RCAN2: variants seen among roughly 807,000 people sequenced by gnomAD.
RCAN2 encodes the protein calcipressin-2.
A neutral mutation model predicts 23.6 loss-of-function variants in RCAN2; 9 were observed. The observed-to-expected ratio is 0.38, with a 90% CI of 0.23 to 0.67. The LOEUF (loss-of-function observed/expected upper bound fraction) is 0.67, where lower values mean the gene tolerates loss of function less well. RCAN2 is among the 30% of genes least tolerant of loss of function. The pLI is 0.51. For synonymous variants in RCAN2, 109 were observed against 115.7 expected, an observed-to-expected ratio of 0.94 and a Z score of 0.37; for missense variants, 273 against 302.3, an observed-to-expected ratio of 0.90 and a Z score of 0.72.
At chr6:46,226,833 G>A (rs1400313383) in intron 4 of RCAN2, among the ~76,000 whole-genome samples, 8 of 152,200 alleles carry the variant, frequency 5.3e-5, no homozygotes, top group African/African-American at 1.2e-4. Context: ...TTGAATAGGA[G>A]TGGTGAGAGA....
chr6:46,290,974 A>G (rs1289467568), intron 2 of RCAN2, among the ~76,000 whole-genome samples: 2 of 152,206 alleles, frequency 1.3e-5, no homozygotes, highest in African/African-American at 2.4e-5. Context: ...TCATGGGTCA[A>G]TACAGCCAGG....
At chr6:46,473,685 A>T (rs1042027930) in intron 1 of RCAN2, among the ~76,000 whole-genome samples, 2 of 152,152 alleles carry the variant, frequency 1.3e-5, no homozygotes, top group African/African-American at 4.8e-5. Context: ...TTTTAACCTG[A>T]TAATTATTAG....
intron 1 of RCAN2, among the ~76,000 whole-genome samples, chr6:46,471,319 C>G (rs545133615): frequency 4.1e-4 from 62 of 152,268 alleles, no homozygotes; most frequent in African/African-American, 1.4e-3. Context: ...AAGTAGGAAC[C>G]TACTAAGAAA....
At position 46,276,535 on chromosome 6, in the gene RCAN2, C is replaced by T. The variant is rs115320961; in HGVS notation, c.226-27639G>A. 8.1e-3 allele frequency among the ~76,000 whole-genome samples: 1,231 copies of T among 152,298 alleles called. 17 individuals are homozygous for T. Among genetic ancestry groups the T allele is most frequent in the Admixed American group, 0.025 (379 of 15,298 alleles). On this transcript the variant is annotated intron_variant, in intron 2 of 4. Coordinates refer to ENST00000371374, the MANE Select transcript of RCAN2 (RefSeq NM_001251974.2). ...TCTGCACTGGCCAAAACATAAAGAACGTGTTTAAACTCTAATCTAGTCACC... is the reference window on the plus strand; with the variant it reads ...TCTGCACTGGCCAAAACATAAAGAATGTGTTTAAACTCTAATCTAGTCACC...
intron 2 of RCAN2, among the ~76,000 whole-genome samples, chr6:46,262,588 T>TTTAAATAAA (rs1554128385): frequency 6.8e-6 from 1 of 146,480 alleles, no homozygotes; most frequent in Non-Finnish European, 1.5e-5. Context: ...AGCCTCTGTC[T>TTTAAATAAA]TAAATAAATA....
chr6:46,250,254 C>A (rs1434490058), intron 2 of RCAN2, among the ~76,000 whole-genome samples: 1 of 152,116 alleles, frequency 6.6e-6, no homozygotes, highest in Non-Finnish European at 1.5e-5. Context: ...AATATATAGG[C>A]ATTATGTTAA....
chr6:46,256,135 C>T (rs756385813), intron 2 of RCAN2, among the ~76,000 whole-genome samples: 7 of 151,870 alleles, frequency 4.6e-5, no homozygotes, highest in South Asian at 2.1e-4. Flanking sequence ...TTTGGGAGGC[C>T]GAGGCAGGAG....
chr6:46,435,283 G>A (rs187606192), intron 2 of RCAN2, among the ~76,000 whole-genome samples: 8 of 152,258 alleles, frequency 5.3e-5, no homozygotes, highest in Admixed American at 4.6e-4. Context: ...TCATTCATAT[G>A]AATTCAAATT....
At chr6:46,367,678 A>G (rs1765213300) in intron 2 of RCAN2, among the ~76,000 whole-genome samples, 1 of 152,074 alleles carries the variant, frequency 6.6e-6, no homozygotes, top group South Asian at 2.1e-4. Context: ...AAGCATAGGG[A>G]TTTTTCTTTC....
intron 2 of RCAN2, among the ~76,000 whole-genome samples, chr6:46,400,336 G>A (rs561916063): frequency 1.1e-4 from 17 of 152,064 alleles, no homozygotes; most frequent in Non-Finnish European, 2.2e-4. Context: ...CATTTATCTT[G>A]GACCAGAGAT....
chr6:46,463,462 A>T (rs922363283), intron 1 of RCAN2, among the ~76,000 whole-genome samples: 4 of 152,198 alleles, frequency 2.6e-5, no homozygotes, highest in African/African-American at 9.7e-5. Context: ...CCAATAAGAA[A>T]GTTTCATTGA....
At chr6:46,268,586 G>T (rs1334757856) in intron 2 of RCAN2, among the ~76,000 whole-genome samples, 1 of 152,138 alleles carries the variant, frequency 6.6e-6, no homozygotes, top group Non-Finnish European at 1.5e-5. Context: ...ATAGTGACAG[G>T]TGATAAACAT....
chr6:46,310,126 A>C (rs1763207791), intron 2 of RCAN2, among the ~76,000 whole-genome samples: 1 of 152,062 alleles, frequency 6.6e-6, no homozygotes, highest in Non-Finnish European at 1.5e-5. Context: ...GTTCTTAAAC[A>C]CTGTTTCTGA....
At chr6:46,311,112 A>G (rs1231943292) in intron 2 of RCAN2, among the ~76,000 whole-genome samples, 2 of 152,232 alleles carry the variant, frequency 1.3e-5, no homozygotes. Flanking sequence ...AAACTTCCCA[A>G]GACTGCAAAA....
At chr6:46,294,428 T>A (rs1249965319) in intron 2 of RCAN2, among the ~76,000 whole-genome samples, 1 of 152,138 alleles carries the variant, frequency 6.6e-6, no homozygotes, top group Admixed American at 6.6e-5. Flanking sequence ...TCAAAAATAC[T>A]CATATTATTT....
intron 1 of RCAN2, among the ~76,000 whole-genome samples, 174 bp downstream of exon 1, chr6:46,490,999 C>T (rs1236119257): frequency 2.3e-5 from 3 of 129,760 alleles, no homozygotes; most frequent in Non-Finnish European, 5.5e-5. Flanking sequence ...ACCCCCGCCA[C>T]TGCCCCCACC....
intron 2 of RCAN2, among the ~76,000 whole-genome samples, chr6:46,392,315 T>C (rs942143471): frequency 2.0e-5 from 3 of 152,172 alleles, no homozygotes; most frequent in African/African-American, 4.8e-5. Context: ...AAAGAAATCT[T>C]ATTGAAAACA....
At chr6:46,300,276 A>G (rs938641312) in intron 2 of RCAN2, among the ~76,000 whole-genome samples, 3 of 151,992 alleles carry the variant, frequency 2.0e-5, no homozygotes, top group Admixed American at 6.6e-5. Flanking sequence ...TACCAAATTG[A>G]TTAAAAAAGC....
chr6:46,303,262 CT>C (rs1305563591), intron 2 of RCAN2, among the ~76,000 whole-genome samples: 1 of 151,840 alleles, frequency 6.6e-6, no homozygotes, highest in Non-Finnish European at 1.5e-5. Context: ...TCATATTAGC[CT>C]TGTGTACTTA....
Sources: allele counts gnomAD v4.1 joint callset (sites outside exome capture counted in the v4.1 genomes callset), GRCh38; gene constraint gnomAD v4.1.1; transcripts MANE v1.5; gene names NCBI Gene and HGNC (gene_info 2026-07-23, HGNC 2026-07-21).